Variants in BRD3OS observed in about 807,000 individuals in gnomAD.
BRD3OS encodes the protein BRD3 opposite strand, also known as uncharacterized protein BRD3OS.
chr9:134,031,458 T>C lies in BRD3OS; in HGVS notation c.*4456T>C, dbSNP rs1843511476. The C allele has an allele frequency of 4.9e-6, 1 of 203,648 alleles. No individual in the cohort carries two copies. The allele number at this position is 203,648 out of a possible 1,614,324, so 12.6% of individuals were successfully genotyped here. A position where few individuals can be genotyped will look rare whatever the true frequency, so the allele number is the denominator to read the frequency against. ...GTGTGTGAATTCCTTAAATTCGGTT[T>C]AAATAGTCCATTAAAGATCTGTTTA... On this transcript the variant is annotated 3_prime_UTR_variant, in exon 3 of 3. Transcript: ENST00000603928.
In BRD3OS at chr9:134,026,692, C is replaced by A; in HGVS notation, c.-56C>A. The A allele has an allele frequency of 2.5e-6, 1 of 398,274 alleles. No homozygotes were observed. Among genetic ancestry groups the A allele is most frequent in the Non-Finnish European group, 4.4e-6 (1 of 226,020 alleles). 24.7% of individuals were successfully genotyped at this position (398,274 alleles called of 1,614,324 possible). Reference sequence around the variant, plus strand: ...GAAAGCTGTCCGTTAATTTAGTGCGCGTGGGCCGTCTCAGAACAGCAGGGT... The same window carrying A: ...GAAAGCTGTCCGTTAATTTAGTGCGAGTGGGCCGTCTCAGAACAGCAGGGT... On this transcript the variant is annotated 5_prime_UTR_variant, in exon 3 of 3. Coordinates refer to ENST00000603928, the MANE Select transcript of BRD3OS (RefSeq NM_001355256.2). The surrounding 1 kb of genome is among the most constrained non-coding windows in gnomAD (Gnocchi z 4.4).
At position 134,026,888 on chromosome 9, in the gene BRD3OS, G is replaced by A. The variant is rs1843435594; in HGVS notation, c.141G>A (p.Arg47=). 1 of 398,830 alleles carries A rather than the reference G, an allele frequency of 2.5e-6. No homozygotes were observed. Among genetic ancestry groups the A allele is most frequent in the Non-Finnish European group, 4.4e-6 (1 of 226,084 alleles). 24.7% of individuals were successfully genotyped at this position (398,830 alleles called of 1,614,324 possible). ...TGCCACCTGGGACGTACCTGAGCAG[G>A]AGCCGAAGCATGTGGTACTCACAGT... The part of the protein sequence containing the change: ...ESVPPGTYLS[R]SRSMWYSQYG... Residue 47 remains arginine (R), a synonymous_variant, in exon 3 of 3, where the codon AGG becomes AGA. Coordinates refer to ENST00000603928, the MANE Select transcript of BRD3OS (RefSeq NM_001355256.2). This position sits in a 1 kb window ranked among gnomAD's most constrained non-coding sequence, Gnocchi z 4.4.
At position 134,028,707 on chromosome 9, in the gene BRD3OS, T is replaced by G. The variant is rs1006874053; in HGVS notation, c.*1705T>G. The G allele has an allele frequency of 1.3e-5, 2 of 152,322 alleles. No homozygotes were observed. Among genetic ancestry groups the G allele is most frequent in the Non-Finnish European group, 2.9e-5 (2 of 68,114 alleles). 9.4% of individuals were successfully genotyped at this position (152,322 alleles called of 1,614,324 possible). ...CCCGGCCCACTTCATGCTTTTAACC[T>G]CTGACTCGCAGCTCTCCCGTGAGCC... On this transcript the variant is annotated 3_prime_UTR_variant, in exon 3 of 3. Transcript: ENST00000603928.
rs1843455490 is a variant in BRD3OS, at chr9:134,028,158, A to AT, written c.*1162dup. 1 of 152,192 alleles carries AT rather than the reference A, an allele frequency of 6.6e-6. No homozygotes were observed. The highest frequency in any genetic ancestry group is 1.5e-5 in the Non-Finnish European group (1 of 68,040). 9.4% of individuals were successfully genotyped at this position (152,192 alleles called of 1,614,324 possible). A position where few individuals can be genotyped will look rare whatever the true frequency, so the allele number is the denominator to read the frequency against. ...TTCGTAATATCCTACTTGGCTTCCCATTTTTTATAGCAGTAATATGTAATT... is the reference window on the plus strand; with the variant it reads ...TTCGTAATATCCTACTTGGCTTCCCATTTTTTTATAGCAGTAATATGTAATT... On this transcript the variant is annotated 3_prime_UTR_variant, in exon 3 of 3. Transcript: ENST00000603928.
At position 134,026,505 on chromosome 9, in the gene BRD3OS, A is replaced by G. The variant is rs957303294; in HGVS notation, c.-243A>G. 5 of 329,008 alleles carry G rather than the reference A, an allele frequency of 1.5e-5. No individual in the cohort carries two copies. Among genetic ancestry groups the G allele is most frequent in the Non-Finnish European group, 2.7e-5 (5 of 181,872 alleles). 20.4% of individuals were successfully genotyped at this position (329,008 alleles called of 1,614,324 possible). ...AGAGCTGTGGCCGGGCGCCGCTCTG[A>G]CCTGTGTGCGGTCCCCTGAATGGGT... On this transcript the variant is annotated 5_prime_UTR_variant, in exon 3 of 3. It removes the in-frame stop codon of an upstream open reading frame in the 5' UTR. Coordinates refer to ENST00000603928, the MANE Select transcript of BRD3OS (RefSeq NM_001355256.2). The surrounding 1 kb of genome is among the most constrained non-coding windows in gnomAD (Gnocchi z 4.4).
chr9:134,028,477 C>T lies in BRD3OS; in HGVS notation c.*1475C>T, dbSNP rs563642927. 3.0e-4 allele frequency: 46 copies of T among 152,418 alleles called. No homozygotes were observed. The highest frequency in any genetic ancestry group is 1.1e-3 in the African/African-American group (45 of 41,592). 9.4% of individuals were successfully genotyped at this position (152,418 alleles called of 1,614,324 possible). A position where few individuals can be genotyped will look rare whatever the true frequency, so the allele number is the denominator to read the frequency against. On this transcript the variant is annotated 3_prime_UTR_variant, in exon 3 of 3. Coordinates refer to ENST00000603928, the MANE Select transcript of BRD3OS (RefSeq NM_001355256.2). ...AATCTCAGCTCACTGCAACCTCTGC[C>T]TCCTGGGTTCAGGCGATTCTCCTGC...
rs1296608309 is a variant in BRD3OS at position 134,027,843 on chromosome 9, G to A, written c.*841G>A. 2 of 152,250 alleles carry A rather than the reference G, an allele frequency of 1.3e-5. No homozygotes were observed. The highest frequency in any genetic ancestry group is 2.9e-5 in the Non-Finnish European group (2 of 68,052). 9.4% of individuals were successfully genotyped at this position (152,250 alleles called of 1,614,324 possible). On this transcript the variant is annotated 3_prime_UTR_variant, in exon 3 of 3. Coordinates refer to ENST00000603928, the MANE Select transcript of BRD3OS (RefSeq NM_001355256.2). ...CCCGAGAGTTGTAAGTTGCACATGT[G>A]TGGCCTACAGTGACTTCCATGTAGT... is the stretch of plus-strand genomic sequence containing the variant.
In BRD3OS at chr9:134,031,222, A is replaced by C. The variant is rs1224921507; in HGVS notation, c.*4220A>C. 4 of 216,522 alleles carry C rather than the reference A, an allele frequency of 1.8e-5. No individual in the cohort carries two copies. The highest frequency in any genetic ancestry group is 3.7e-5 in the Non-Finnish European group (4 of 107,668). The allele number at this position is 216,522 out of a possible 1,614,324, so 13.4% of individuals were successfully genotyped here. The stretch of plus-strand genomic sequence containing the variant: ...GTCACAGAGAACCAGCCGAGAAGGA[A>C]AGGCCCCACGATGCTCCTGCTGCGC... On this transcript the variant is annotated 3_prime_UTR_variant, in exon 3 of 3. Coordinates refer to ENST00000603928, the MANE Select transcript of BRD3OS (RefSeq NM_001355256.2).
In BRD3OS at chr9:134,026,298, C is replaced by A. The variant is rs190723999; in HGVS notation, c.-450C>A. The A allele has an allele frequency of 8.1e-4, 125 of 153,478 alleles. No individual in the cohort carries two copies. The highest frequency in any genetic ancestry group is 2.8e-3 in the African/African-American group (117 of 41,610). 9.5% of individuals were successfully genotyped at this position (153,478 alleles called of 1,614,324 possible). ...ACAGCCGTTGCCCTGAAAGCTGGCC[C>A]GGACAGATGCGTGCGGGGCGTGCCA... On this transcript the variant is annotated 5_prime_UTR_variant, in exon 3 of 3. Coordinates refer to ENST00000603928, the MANE Select transcript of BRD3OS (RefSeq NM_001355256.2). This position sits in a 1 kb window ranked among gnomAD's most constrained non-coding sequence, Gnocchi z 4.4.
rs545466382 is a variant in BRD3OS, at chr9:134,030,537, G to A, written c.*3535G>A. 2 of 209,426 alleles carry A rather than the reference G, an allele frequency of 9.5e-6. No individual in the cohort carries two copies. The highest frequency in any genetic ancestry group is 1.9e-4 in the South Asian group (1 of 5,282). 13.0% of individuals were successfully genotyped at this position (209,426 alleles called of 1,614,324 possible). A position where few individuals can be genotyped will look rare whatever the true frequency, so the allele number is the denominator to read the frequency against. On this transcript the variant is annotated 3_prime_UTR_variant, in exon 3 of 3. Transcript: ENST00000603928. ...CACTAAAAAGTTTAAGAAAAGTTACGGTAAACTTGCATGCACATCATACAG... is the reference window on the plus strand; with the variant it reads ...CACTAAAAAGTTTAAGAAAAGTTACAGTAAACTTGCATGCACATCATACAG...
rs750751807 is a variant in BRD3OS, at chr9:134,031,453, C to A, written c.*4451C>A. ...CTGTCGTGTGTGAATTCCTTAAATT[C>A]GGTTTAAATAGTCCATTAAAGATCT... is the stretch of plus-strand genomic sequence containing the variant. On this transcript the variant is annotated 3_prime_UTR_variant, in exon 3 of 3. Transcript: ENST00000603928. 4 of 203,460 alleles carry A rather than the reference C, an allele frequency of 2.0e-5. No individual in the cohort carries two copies. The highest frequency in any genetic ancestry group is 9.2e-5 in the African/African-American group (4 of 43,528). 12.6% of individuals were successfully genotyped at this position (203,460 alleles called of 1,614,324 possible).
Position 134,025,933 on chromosome 9 carries a change from G to A in BRD3OS, c.-698G>A. ...GGGCTGACGCCTGGCGGCGTCTCCGGGAACCCGCGCCCTTTCAAGCGCCGC... is the reference window on the plus strand; with the variant it reads ...GGGCTGACGCCTGGCGGCGTCTCCGAGAACCCGCGCCCTTTCAAGCGCCGC... On this transcript the variant is annotated 5_prime_UTR_variant, in exon 2 of 3. Transcript: ENST00000603928. 6.6e-6 allele frequency: 1 copy of A among 152,262 alleles called. No homozygotes were observed. The highest frequency in any genetic ancestry group is 1.9e-4 in the East Asian group (1 of 5,186). The allele number at this position is 152,262 out of a possible 1,614,324, so 9.4% of individuals were successfully genotyped here. A position where few individuals can be genotyped will look rare whatever the true frequency, so the allele number is the denominator to read the frequency against.
Position 134,027,064 on chromosome 9 carries a change from C to A in BRD3OS, c.*62C>A. The A allele has an allele frequency of 5.0e-6, 2 of 398,458 alleles. No homozygotes were observed. Among genetic ancestry groups the A allele is most frequent in the Middle Eastern group, 1.3e-3 (2 of 1,588 alleles). 24.7% of individuals were successfully genotyped at this position (398,458 alleles called of 1,614,324 possible). A position where few individuals can be genotyped will look rare whatever the true frequency, so the allele number is the denominator to read the frequency against. On this transcript the variant is annotated 3_prime_UTR_variant, in exon 3 of 3. Transcript: ENST00000603928. ...GAGGAAAACAGACCTGAGTTTCATT[C>A]AGTTGTCTTGTTGATTTCCAATCCT...
intron 1 of BRD3OS, 131 bp downstream of exon 1, chr9:134,025,667 C>T (rs1843421138): frequency 6.6e-6 from 1 of 152,204 alleles, no homozygotes. Context: ...GACGGGGACC[C>T]CAGGGTGCGC....
At position 134,031,529 on chromosome 9, in the gene BRD3OS, T is replaced by C. The variant is rs1564544520; in HGVS notation, c.*4527T>C. ...GGGTAACTTTAAAAAATGGAAACTT[T>C]CAAATCCATTTATATTTTTATTATA... On this transcript the variant is annotated 3_prime_UTR_variant, in exon 3 of 3. Coordinates refer to ENST00000603928, the MANE Select transcript of BRD3OS (RefSeq NM_001355256.2). 1 of 201,810 alleles carries C rather than the reference T, an allele frequency of 5.0e-6. No individual in the cohort carries two copies. Among genetic ancestry groups the C allele is most frequent in the Non-Finnish European group, 1.0e-5 (1 of 98,348 alleles). The allele number at this position is 201,810 out of a possible 1,614,324, so 12.5% of individuals were successfully genotyped here.
rs760200570 is a variant in BRD3OS, at chr9:134,026,762, C to A, written c.15C>A (p.Val5=). ...CGGGGGAGGGGATGAGTGGCCGTGT[C>A]CCCCTGGCAGAGAAGGCCTTGTCTG... MSGR[V]PLAEKALSEG... Residue 5 remains valine, a synonymous_variant, in exon 3 of 3, where the codon GTC becomes GTA. Coordinates refer to ENST00000603928, the MANE Select transcript of BRD3OS (RefSeq NM_001355256.2). The surrounding 1 kb of genome is among the most constrained non-coding windows in gnomAD (Gnocchi z 4.4). The A allele has an allele frequency of 3.0e-5, 12 of 398,722 alleles. No homozygotes were observed. The highest frequency in any genetic ancestry group is 1.4e-4 in the African/African-American group (7 of 48,598). The allele number at this position is 398,722 out of a possible 1,614,324, so 24.7% of individuals were successfully genotyped here. A position where few individuals can be genotyped will look rare whatever the true frequency, so the allele number is the denominator to read the frequency against.
Position 134,026,508 on chromosome 9 carries a change from T to C in BRD3OS, c.-240T>C. On this transcript the variant is annotated 5_prime_UTR_variant, in exon 3 of 3. Transcript: ENST00000603928. The surrounding 1 kb of genome is among the most constrained non-coding windows in gnomAD (Gnocchi z 4.4). ...GCTGTGGCCGGGCGCCGCTCTGACC[T>C]GTGTGCGGTCCCCTGAATGGGTCTC... is the stretch of plus-strand genomic sequence containing the variant. 1 of 331,416 alleles carries C rather than the reference T, an allele frequency of 3.0e-6. No homozygotes were observed. The highest frequency in any genetic ancestry group is 5.5e-6 in the Non-Finnish European group (1 of 183,352). The allele number at this position is 331,416 out of a possible 1,614,324, so 20.5% of individuals were successfully genotyped here.
chr9:134,027,150 C>A lies in BRD3OS; in HGVS notation c.*148C>A. The A allele has an allele frequency of 2.6e-6, 1 of 391,620 alleles. No individual in the cohort carries two copies. Among genetic ancestry groups the A allele is most frequent in the Non-Finnish European group, 4.5e-6 (1 of 222,086 alleles). The allele number at this position is 391,620 out of a possible 1,614,324, so 24.3% of individuals were successfully genotyped here. On this transcript the variant is annotated 3_prime_UTR_variant, in exon 3 of 3. Coordinates refer to ENST00000603928, the MANE Select transcript of BRD3OS (RefSeq NM_001355256.2). ...AACTGTGGTGTAAGAACCCAAGAAG[C>A]GCAGAATTGGCCCCCGAACCCCTCA... is the stretch of plus-strand genomic sequence containing the variant.
In BRD3OS at chr9:134,026,931, T is replaced by C. The variant is rs1564542642; in HGVS notation, c.184T>C (p.Leu62=). ...WYSQYGNEAI[L]VRDKNKLEVS... The stretch of plus-strand genomic sequence containing the variant: ...CTCACAGTATGGAAATGAGGCCATC[T>C]TGGTCCGAGACAAAAACAAGCTCGA... Residue 62 remains leucine (L), a synonymous_variant, in exon 3 of 3, where the codon TTG becomes CTG. Coordinates refer to ENST00000603928, the MANE Select transcript of BRD3OS (RefSeq NM_001355256.2). This position sits in a 1 kb window ranked among gnomAD's most constrained non-coding sequence, Gnocchi z 4.4. 4 of 398,842 alleles carry C rather than the reference T, an allele frequency of 1.0e-5. No individual in the cohort carries two copies. The highest frequency in any genetic ancestry group is 1.8e-5 in the Non-Finnish European group (4 of 226,086). 24.7% of individuals were successfully genotyped at this position (398,842 alleles called of 1,614,324 possible). A position where few individuals can be genotyped will look rare whatever the true frequency, so the allele number is the denominator to read the frequency against.
Sources: allele counts gnomAD v4.1 joint callset, GRCh38; gene constraint gnomAD v4.1.1; non-coding constraint Gnocchi (gnomAD v3.1); transcripts MANE v1.5; gene names NCBI Gene and HGNC (gene_info 2026-07-23, HGNC 2026-07-21).